The following SLC25A26 variants were observed in gnomAD, a reference collection of about 807,000 sequenced individuals.
SLC25A26 encodes mitochondrial S-adenosylmethionine carrier protein.
In SLC25A26, 36 loss-of-function variants were observed where a neutral mutation model predicts 37.8. The observed-to-expected ratio is 0.95, with a 90% CI of 0.73 to 1.26. The LOEUF is 1.26. Among genes scored for constraint, SLC25A26 ranks in the 50% most tolerant of loss-of-function variants. The probability of loss-of-function intolerance (pLI) is 0.00; values close to 1 mark genes in which losing one functional copy is unlikely to be tolerated. For synonymous variants in SLC25A26, 129 were observed against 122.5 expected (o/e 1.05, Z -0.35); for missense variants, 390 against 331.1 (o/e 1.18, Z -1.38).
intron 5 of SLC25A26, among the ~76,000 whole-genome samples, chr3:66,328,340 G>C (rs2075889122): frequency 6.6e-6 from 1 of 152,098 alleles, no homozygotes; most frequent in Admixed American, 6.5e-5. Context: ...ATGAAAGCTG[G>C]TTCTGTGAGG....
chr3:66,202,545 A>G (rs1305272468), intron 1 of SLC25A26, among the ~76,000 whole-genome samples: 7 of 151,854 alleles, frequency 4.6e-5, no homozygotes, highest in Non-Finnish European at 1.0e-4. Flanking sequence ...AAAAAAAAAA[A>G]AAAGGAAAGA....
At chr3:66,375,951 AGAACATTAG>A (rs1559753765) in intron 9 of SLC25A26, among the ~76,000 whole-genome samples, 1 of 151,630 alleles carries the variant, frequency 6.6e-6, no homozygotes, top group Non-Finnish European at 1.5e-5. Flanking sequence ...GATACCAGTA[AGAACATTAG>A]TGGCTTCATA....
At chr3:66,310,484 C>A (rs914556263) in intron 5 of SLC25A26, among the ~76,000 whole-genome samples, 1 of 152,162 alleles carries the variant, frequency 6.6e-6, no homozygotes, top group Non-Finnish European at 1.5e-5. Context: ...ACTGGGGCAT[C>A]TAGCCCATTT....
At chr3:66,298,259 A>C (rs1305142064) in intron 5 of SLC25A26, among the ~76,000 whole-genome samples, 1 of 152,220 alleles carries the variant, frequency 6.6e-6, no homozygotes, top group African/African-American at 2.4e-5. Flanking sequence ...AAACCATTTG[A>C]TAGGTATATC....
At chr3:66,368,220 C>G (rs2076868095) in intron 7 of SLC25A26, among the ~76,000 whole-genome samples, 1 of 152,172 alleles carries the variant, frequency 6.6e-6, no homozygotes, top group Admixed American at 6.5e-5. Context: ...TGTCCTGTTG[C>G]CCTTATAACA....
intron 1 of SLC25A26, among the ~76,000 whole-genome samples, chr3:66,213,149 C>G (rs952203407): frequency 6.6e-6 from 1 of 152,184 alleles, no homozygotes; most frequent in East Asian, 1.9e-4. Flanking sequence ...CCTGTAATCC[C>G]AGCACTTTGG....
intron 5 of SLC25A26, among the ~76,000 whole-genome samples, chr3:66,286,603 G>A (rs1177345256): frequency 6.6e-6 from 1 of 152,054 alleles, no homozygotes; most frequent in Admixed American, 6.5e-5. Flanking sequence ...TTAGGTGTTT[G>A]TTTTCATATT....
chr3:66,272,071 G>A (rs993722280), intron 5 of SLC25A26, among the ~76,000 whole-genome samples: 3 of 152,114 alleles, frequency 2.0e-5, no homozygotes, highest in Non-Finnish European at 2.9e-5. Context: ...CCTAAAAAAT[G>A]TGTGTCATTT....
intron 5 of SLC25A26, among the ~76,000 whole-genome samples, chr3:66,331,312 T>G (rs1334851546): frequency 6.6e-6 from 1 of 152,200 alleles, no homozygotes; most frequent in East Asian, 1.9e-4. Flanking sequence ...CTAGGTAGTT[T>G]GAATTTGTAT....
intron 5 of SLC25A26, among the ~76,000 whole-genome samples, chr3:66,345,121 C>CT (rs372114191): frequency 1.1e-4 from 17 of 152,304 alleles, no homozygotes; most frequent in African/African-American, 3.8e-4. Flanking sequence ...ATACCTAACT[C>CT]TAAGTGTGGT....
intron 5 of SLC25A26, among the ~76,000 whole-genome samples, chr3:66,339,697 A>C (rs969193194): frequency 4.6e-5 from 7 of 151,882 alleles, no homozygotes; most frequent in African/African-American, 1.7e-4. Flanking sequence ...ATGTCTATTT[A>C]AATTCTTTGC....
chr3:66,187,152 C>A (rs1348943797), intron 1 of SLC25A26, among the ~76,000 whole-genome samples: 2 of 151,720 alleles, frequency 1.3e-5, no homozygotes, highest in African/African-American at 4.9e-5. Context: ...TTACCCTGAA[C>A]TGTTTTGCAT....
At chr3:66,276,664 C>G (rs1363191008) in intron 5 of SLC25A26, among the ~76,000 whole-genome samples, 3 of 151,902 alleles carry the variant, frequency 2.0e-5, no homozygotes, top group Non-Finnish European at 4.4e-5. Flanking sequence ...ATCATATGTT[C>G]TGAGAAACAG....
intron 1 of SLC25A26, among the ~76,000 whole-genome samples, chr3:66,157,901 G>A (rs1012014249): frequency 6.6e-6 from 1 of 152,212 alleles, no homozygotes; most frequent in African/African-American, 2.4e-5. Flanking sequence ...GAAAAGGAGA[G>A]TAAACAACCT....
At chr3:66,189,845 A>T (rs1345429880) in intron 1 of SLC25A26, among the ~76,000 whole-genome samples, 1 of 146,842 alleles carries the variant, frequency 6.8e-6, no homozygotes, top group African/African-American at 2.6e-5. Context: ...TTTTTTTTTA[A>T]ATAGAGACAA....
chr3:66,292,399 T>G (rs1202794120), intron 5 of SLC25A26, among the ~76,000 whole-genome samples: 1 of 152,180 alleles, frequency 6.6e-6, no homozygotes, highest in Non-Finnish European at 1.5e-5. Flanking sequence ...GTGTTGACGG[T>G]CTTTACAATT....
chr3:66,209,898 TTATATATATATATATATA>T (rs1159734636), intron 1 of SLC25A26, among the ~76,000 whole-genome samples: 8,222 of 38,652 alleles, frequency 0.21, 888 homozygotes, highest in East Asian at 0.42. Flanking sequence ...CTCTCTCTAT[TTATATATATATATATATA>T]TATATATATA....
intron 3 of SLC25A26, among the ~76,000 whole-genome samples, chr3:66,244,023 C>T (rs1418246142): frequency 6.6e-6 from 1 of 152,136 alleles, no homozygotes; most frequent in Non-Finnish European, 1.5e-5. Context: ...CTTTCCTTCC[C>T]TGTTGCCTGC....
At chr3:66,376,301 T>G (rs956664600) in intron 9 of SLC25A26, among the ~76,000 whole-genome samples, 5 of 152,194 alleles carry the variant, frequency 3.3e-5, no homozygotes, top group Non-Finnish European at 7.3e-5. Context: ...GTTGAGACGG[T>G]TGACTCCAAT....
Sources: allele counts gnomAD v4.1 joint callset (sites outside exome capture counted in the v4.1 genomes callset), GRCh38; gene constraint gnomAD v4.1.1; transcripts MANE v1.5; gene names NCBI Gene and HGNC (gene_info 2026-07-23, HGNC 2026-07-21).